PAK3: variants seen among roughly 807,000 people sequenced by gnomAD.
PAK3 encodes the protein p21 (RAC1) activated kinase 3, also known as serine/threonine-protein kinase PAK 3.
A neutral mutation model predicts 41.0 loss-of-function variants in PAK3; 4 were observed. The observed-to-expected ratio is 0.10, with a 90% CI of 0.05 to 0.22. The LOEUF is 0.22. PAK3 is among the 10% of genes least tolerant of loss of function. The pLI is 1.00. For synonymous variants in PAK3, 146 were observed against 139.6 expected (o/e 1.05, Z -0.32); for missense variants, 205 against 409.9 (o/e 0.50, Z 4.32).
chrX:111,011,729 C>T (rs746531974), intron 1 of PAK3, among the ~76,000 whole-genome samples: 55 of 112,394 alleles, frequency 4.9e-4, no homozygotes, highest in Non-Finnish European at 9.6e-4. Context: ...CTCCCACAAC[C>T]TTCTTTGTGC....
rs749048498 is a variant in PAK3 at position 111,033,799 on chromosome X, G to A, written c.-28+89171G>A. Among the ~76,000 whole-genome samples, 11 of 111,969 alleles carry A rather than the reference G, an allele frequency of 9.8e-5. 1 individual carries two copies. In the South Asian group the frequency reaches 4.2e-3, roughly 42 times the overall value. On this transcript the variant is annotated intron_variant, in intron 1 of 14. Transcript: ENST00000425146. ...CATTGCAAAACAGCACTATGGTTGGGGCAGTGGCTGGGAAGCAGCTATGGT... is the reference window on the plus strand; with the variant it reads ...CATTGCAAAACAGCACTATGGTTGGAGCAGTGGCTGGGAAGCAGCTATGGT...
At chrX:111,218,160 A>C (rs888451764) in intron 17 of PAK3, among the ~76,000 whole-genome samples, 1 of 111,792 alleles carries the variant, frequency 8.9e-6, no homozygotes, top group African/African-American at 3.3e-5. Flanking sequence ...CATGACATTC[A>C]CCCCACTGGA....
intron 8 of PAK3, among the ~76,000 whole-genome samples, chrX:111,161,756 G>T (rs1487700496): frequency 9.0e-6 from 1 of 110,968 alleles, no homozygotes; most frequent in African/African-American, 3.3e-5. Context: ...TTGTCAGTTT[G>T]TCAAAGATCA....
chrX:111,218,966 G>A (rs1243295963), intron 17 of PAK3, among the ~76,000 whole-genome samples: 1 of 110,028 alleles, frequency 9.1e-6, no homozygotes, highest in Non-Finnish European at 1.9e-5. Context: ...GAGGCAGGCG[G>A]ATCACCTGAG....
chrX:110,960,583 C>T (rs2090959445), intron 1 of PAK3, among the ~76,000 whole-genome samples: 1 of 111,251 alleles, frequency 9.0e-6, no homozygotes, highest in Non-Finnish European at 1.9e-5. Context: ...TCAGGCCTTA[C>T]AGGAAATTGT....
At chrX:111,114,757 A>G (rs1368209469) in intron 4 of PAK3, among the ~76,000 whole-genome samples, 2 of 112,072 alleles carry the variant, frequency 1.8e-5, no homozygotes, top group Non-Finnish European at 3.8e-5. Context: ...TAAGATGAGC[A>G]TCATTTGATA....
At chrX:111,176,721 T>A (rs745777709) in intron 11 of PAK3, among the ~76,000 whole-genome samples, 5 of 110,651 alleles carry the variant, frequency 4.5e-5, no homozygotes. Context: ...GCTGCATATC[T>A]GTCTTCTTCA....
At chrX:111,132,285 A>G (rs1000010218) in intron 5 of PAK3, among the ~76,000 whole-genome samples, 16 of 111,514 alleles carry the variant, frequency 1.4e-4, no homozygotes, top group African/African-American at 5.2e-4. Context: ...GGATTTCCCA[A>G]ATCAAGGCTC....
intron 1 of PAK3, among the ~76,000 whole-genome samples, chrX:110,977,294 T>C (rs1368971096): frequency 3.6e-5 from 4 of 110,994 alleles, no homozygotes; most frequent in Non-Finnish European, 7.6e-5. Flanking sequence ...TGTACCTTTG[T>C]AGTAAGTTTT....
intron 7 of PAK3, among the ~76,000 whole-genome samples, chrX:111,149,441 T>A (rs2093996076): frequency 8.9e-6 from 1 of 112,452 alleles, no homozygotes; most frequent in East Asian, 2.8e-4. Flanking sequence ...ATTTCCCTTC[T>A]GCACTGCCCT....
chrX:110,997,828 G>A (rs898508038), intron 1 of PAK3, among the ~76,000 whole-genome samples: 1 of 110,660 alleles, frequency 9.0e-6, no homozygotes, highest in East Asian at 2.9e-4. Flanking sequence ...TCTACGAATG[G>A]AAGGGATTAG....
Position 111,176,330 on chromosome X carries a change from A to G in PAK3, c.830+3249A>G, listed in dbSNP as rs35674848. Among the ~76,000 whole-genome samples, 534 of 110,002 alleles carry G rather than the reference A, an allele frequency of 4.9e-3. 5 individuals are homozygous for G. The highest frequency in any genetic ancestry group is 0.017 in the African/African-American group (512 of 30,266). On this transcript the variant is annotated intron_variant, in intron 11 of 17. Coordinates refer to ENST00000372007, the MANE Select transcript of PAK3 (RefSeq NM_002578.5). Reference sequence around the variant, plus strand: ...GAGGGGAACAACACACACTGGGGCCAGAAGGGGAATGGGGGGCGAAGGGAG... The same window carrying G: ...GAGGGGAACAACACACACTGGGGCCGGAAGGGGAATGGGGGGCGAAGGGAG...
At chrX:110,989,116 A>T (rs2091597052) in intron 1 of PAK3, among the ~76,000 whole-genome samples, 1 of 111,859 alleles carries the variant, frequency 8.9e-6, no homozygotes, top group Admixed American at 9.5e-5. Context: ...TTTCATCCAC[A>T]TGCTCTGTCT....
intron 1 of PAK3, among the ~76,000 whole-genome samples, chrX:110,987,476 G>T (rs1329979491): frequency 9.0e-6 from 1 of 111,609 alleles, no homozygotes; most frequent in Non-Finnish European, 1.9e-5. Context: ...CAGCCCAATT[G>T]CAGTATTAGA....
At chrX:111,162,506 T>A (rs1241613640) in intron 8 of PAK3, among the ~76,000 whole-genome samples, 1 of 111,869 alleles carries the variant, frequency 8.9e-6, no homozygotes, top group Non-Finnish European at 1.9e-5. Context: ...TAGAAAATAG[T>A]TCTTTTCAAG....
intron 1 of PAK3, among the ~76,000 whole-genome samples, chrX:111,086,123 C>T (rs1212999219): frequency 4.8e-4 from 8 of 16,734 alleles, no homozygotes; most frequent in Non-Finnish European, 8.7e-4. Flanking sequence ...GGCAGGGGGG[C>T]GGTGGGGGGT....
At chrX:111,063,384 G>T (rs1221374046) in intron 1 of PAK3, among the ~76,000 whole-genome samples, 1 of 112,020 alleles carries the variant, frequency 8.9e-6, no homozygotes, top group African/African-American at 3.3e-5. Flanking sequence ...TTGTTAAAAT[G>T]CAAATGAATG....
At chrX:111,158,229 C>T (rs1460139683) in intron 8 of PAK3, among the ~76,000 whole-genome samples, 2 of 111,743 alleles carry the variant, frequency 1.8e-5, no homozygotes, top group Non-Finnish European at 3.8e-5. Flanking sequence ...GTGAATATAG[C>T]AAAGGAAGGG....
intron 16 of PAK3, among the ~76,000 whole-genome samples, chrX:111,211,170 G>A (rs1196882414): frequency 9.0e-6 from 1 of 110,757 alleles, no homozygotes; most frequent in Admixed American, 9.7e-5. Flanking sequence ...GTGGCGGGGC[G>A]GGAGAGGAGT....
Sources: gnomAD v4.1 joint callset for allele counts (sites outside exome capture counted in the v4.1 genomes callset) on GRCh38, gnomAD v4.1.1 for gene constraint, MANE v1.5 for transcripts, NCBI Gene and HGNC (gene_info 2026-07-23, HGNC 2026-07-21) for gene names.